The following TENM3 variants were observed in gnomAD, a reference collection of about 807,000 sequenced individuals.
TENM3 encodes teneurin transmembrane protein 3, also known as teneurin-3.
TENM3 carries 63 observed loss-of-function variants against 255.1 expected under a neutral mutation model. That is an observed-to-expected ratio of 0.25 (90% CI 0.20 to 0.30). TENM3 has a LOEUF of 0.30. Among genes scored for constraint, TENM3 ranks in the 10% least tolerant of loss-of-function variants. The probability of loss-of-function intolerance (pLI) is 1.00; values close to 1 mark genes in which losing one functional copy is unlikely to be tolerated. For synonymous variants in TENM3, 1,306 were observed against 1,322.3 expected (o/e 0.99, Z 0.27); for missense variants, 2,929 against 3,461.1 (o/e 0.85, Z 3.86).
chr4:181,917,421 C>T, the TENM3 span, among the ~76,000 whole-genome samples: 3 of 152,174 alleles, frequency 2.0e-5, no homozygotes, highest in East Asian at 1.9e-4. Context: ...AACCCAGAAA[C>T]GTTCCAAGTA....
chr4:181,883,529 C>T, the TENM3 span, among the ~76,000 whole-genome samples: 9 of 152,290 alleles, frequency 5.9e-5, no homozygotes, highest in Admixed American at 2.0e-4. Context: ...GGCTGGAGTG[C>T]TGTGGTGCGA....
the TENM3 span, among the ~76,000 whole-genome samples, chr4:181,825,028 G>A: frequency 1.3e-5 from 2 of 152,214 alleles, no homozygotes; most frequent in Non-Finnish European, 2.9e-5. Context: ...AGAAATGATA[G>A]CAGTGGCCCT....
the TENM3 span, among the ~76,000 whole-genome samples, chr4:181,727,625 C>T: frequency 1.3e-5 from 2 of 152,076 alleles, no homozygotes; most frequent in African/African-American, 4.8e-5. Flanking sequence ...AATATTAGGG[C>T]AAGATAATAT....
intron 22 of TENM3, among the ~76,000 whole-genome samples, chr4:182,756,930 C>T (rs955607096): frequency 2.6e-5 from 4 of 152,080 alleles, no homozygotes; most frequent in Non-Finnish European, 4.4e-5. Context: ...TCAAAGTGAT[C>T]GCAGGCTAGA....
At chr4:181,980,792 G>A in the TENM3 span, among the ~76,000 whole-genome samples, 2 of 151,990 alleles carry the variant, frequency 1.3e-5, no homozygotes, top group African/African-American at 4.8e-5. Context: ...TGTTATTTAA[G>A]ACAACATTTG....
chr4:181,945,412 C>T, the TENM3 span, among the ~76,000 whole-genome samples: 9 of 151,996 alleles, frequency 5.9e-5, no homozygotes, highest in Non-Finnish European at 1.0e-4. Context: ...CACGTGGGGA[C>T]GTAGGAATGT....
chr4:181,962,425 C>T, the TENM3 span, among the ~76,000 whole-genome samples: 3,809 of 152,252 alleles, frequency 0.025, 165 homozygotes, highest in African/African-American at 0.087. Context: ...ACCATAGGTG[C>T]TAACCCATTG....
At chr4:182,199,842 C>T (rs1324695871) in intron 1 of TENM3, among the ~76,000 whole-genome samples, 3 of 151,276 alleles carry the variant, frequency 2.0e-5, no homozygotes, top group Non-Finnish European at 4.4e-5. Context: ...TTTCTCCCAC[C>T]TCAGCCTCCC....
At chr4:182,693,816 A>G (rs913734046) in intron 12 of TENM3, among the ~76,000 whole-genome samples, 2 of 152,210 alleles carry the variant, frequency 1.3e-5, no homozygotes, top group African/African-American at 2.4e-5. Flanking sequence ...AATTAAATGG[A>G]ATACTAGAAT....
chr4:181,620,870 G>T, the TENM3 span, among the ~76,000 whole-genome samples: 14,803 of 152,076 alleles, frequency 0.097, 813 homozygotes, highest in South Asian at 0.2. Context: ...TTCTCAAATA[G>T]AATTTTTTAA....
chr4:182,623,138 G>A (rs924118033), intron 4 of TENM3, among the ~76,000 whole-genome samples: 9 of 151,632 alleles, frequency 5.9e-5, no homozygotes, highest in Admixed American at 1.3e-4. Flanking sequence ...AGCCTCCCGA[G>A]TAGCTGGGAC....
the TENM3 span, among the ~76,000 whole-genome samples, chr4:181,943,017 A>G: frequency 2.0e-5 from 3 of 152,214 alleles, no homozygotes; most frequent in Non-Finnish European, 2.9e-5. Context: ...AGAGGCACAT[A>G]GATTATATCT....
chr4:182,346,615 A>G (rs1764829703), intron 2 of TENM3, 36 bp from the exon 3 acceptor site: 10 of 1,568,176 alleles, frequency 6.4e-6, no homozygotes, highest in South Asian at 2.3e-5. Context: ...CTGAACATAT[A>G]CTCACTAGTT....
chr4:182,675,166 G>A (rs1169858107), intron 7 of TENM3, among the ~76,000 whole-genome samples: 3 of 152,000 alleles, frequency 2.0e-5, no homozygotes, highest in African/African-American at 4.8e-5. Context: ...GTGAGCCACC[G>A]CACCCAGCCA....
the TENM3 span, among the ~76,000 whole-genome samples, chr4:181,722,966 G>A: frequency 1.8e-4 from 27 of 152,150 alleles, no homozygotes; most frequent in East Asian, 2.9e-3. Flanking sequence ...CACTCTCAGG[G>A]AAGGAAGCTG....
At chr4:181,978,538 T>A in the TENM3 span, among the ~76,000 whole-genome samples, 2 of 150,600 alleles carry the variant, frequency 1.3e-5, no homozygotes, top group Non-Finnish European at 2.9e-5. Context: ...TCCCAGCTAC[T>A]CAGGAGGCTA....
chr4:182,749,952 G>C (rs1762258634), intron 19 of TENM3, among the ~76,000 whole-genome samples: 1 of 149,072 alleles, frequency 6.7e-6, no homozygotes, highest in African/African-American at 2.5e-5. Flanking sequence ...TGAAAGACCA[G>C]CTGTGTCAAC....
rs752849042 is a variant in TENM3 at position 182,754,525 on chromosome 4, T to A, written c.4158T>A (p.Val1386=). 6 of 1,613,972 alleles carry A rather than the reference T, an allele frequency of 3.7e-6. No individual in the cohort carries two copies. The highest frequency in any genetic ancestry group is 5.1e-6 in the Non-Finnish European group (6 of 1,179,868). The part of the protein sequence containing the change: ...IAAGRPMHCQ[V]PGVEYPVGKH... ...CTGGACGGCCCATGCACTGTCAGGTTCCCGGAGTGGAATATCCTGTGGGGA... is the reference window on the plus strand; with the variant it reads ...CTGGACGGCCCATGCACTGTCAGGTACCCGGAGTGGAATATCCTGTGGGGA... Residue 1386 remains valine (V), a synonymous_variant, in exon 22 of 28, where the codon GTT becomes GTA. Transcript: ENST00000511685. The surrounding 1 kb of genome is among the most constrained non-coding windows in gnomAD (Gnocchi z 5.1).
intron 3 of TENM3, among the ~76,000 whole-genome samples, chr4:182,537,905 T>C (rs1740496683): frequency 6.6e-6 from 1 of 152,216 alleles, no homozygotes; most frequent in Non-Finnish European, 1.5e-5. Context: ...GATTGATTCA[T>C]CTTGCTGCTC....
Sources: gnomAD v4.1 joint callset for allele counts (sites outside exome capture counted in the v4.1 genomes callset) on GRCh38, gnomAD v4.1.1 for gene constraint, Gnocchi (gnomAD v3.1) non-coding constraint, MANE v1.5 for transcripts, NCBI Gene and HGNC (gene_info 2026-07-23, HGNC 2026-07-21) for gene names.